COMP: variants seen among roughly 807,000 people sequenced by gnomAD.
COMP encodes the protein cartilage oligomeric matrix protein (pseudoachondroplasia, epiphyseal dysplasia 1, multiple).
In COMP, 79 loss-of-function variants were observed where a neutral mutation model predicts 95.8. The observed-to-expected ratio is 0.82, with a 90% CI of 0.69 to 0.99. COMP has a LOEUF of 0.99. Among genes scored for constraint, COMP ranks in the 50% least tolerant of loss-of-function variants. COMP has a pLI of 0.00. For missense variants in COMP, 906 were observed against 1,076.1 expected, an observed-to-expected ratio of 0.84 and a Z score of 2.21; for synonymous variants, 438 against 433.9, an observed-to-expected ratio of 1.01 and a Z score of -0.12.
In COMP at chr19:18,788,284, C is replaced by A. The variant is rs1483719147; in HGVS notation, c.903G>T (p.Glu301Asp). ...CTCCGATGCCATCGCGGTCCACATC[C>A]TCCTGCCCTGAGTTGGGCACAGTCA... ...NCVTVPNSGQ[E>D]DVDRDGIGDA... Residue 301 changes from glutamate (E) to aspartate (D), a missense_variant, in exon 9 of 19, where the codon GAG (glutamate) becomes GAT (aspartate). Physicochemically the swap from Glu to Asp is conservative, Grantham distance 45 (BLOSUM62 2). Coordinates refer to ENST00000222271, the MANE Select transcript of COMP (RefSeq NM_000095.3). This position sits in a 1 kb window ranked among gnomAD's most constrained non-coding sequence, Gnocchi z 4.7. 1 of 1,613,114 alleles carries A rather than the reference C, an allele frequency of 6.2e-7. No homozygotes were observed. The highest frequency in any genetic ancestry group is 1.7e-5 in the Admixed American group (1 of 60,024).
Position 18,788,630 on chromosome 19 carries a change from C to T in COMP, c.724G>A (p.Asp242Asn), listed in dbSNP as rs1568556306. Residue 242 changes from aspartate to asparagine, a missense_variant, in exon 7 of 19, where the codon GAC becomes AAC. Physicochemically the swap from Asp to Asn is conservative, Grantham distance 23. Coordinates refer to ENST00000222271, the MANE Select transcript of COMP (RefSeq NM_000095.3). This position sits in a 1 kb window ranked among gnomAD's most constrained non-coding sequence, Gnocchi z 4.7. ...GAGCCATCGCGCTCTAGGACGCAGT[C>T]TGCATGCTCGTGGCACTCGCTGGGC... ...GSPSECHEHADCVLERDGSRS... is the reference protein window; with the variant it reads ...GSPSECHEHANCVLERDGSRS... The T allele has an allele frequency of 6.5e-7, 1 of 1,548,456 alleles. No individual in the cohort carries two copies. Among genetic ancestry groups the T allele is most frequent in the East Asian group, 2.4e-5 (1 of 40,918 alleles).
chr19:18,788,245 C>T lies in COMP; in HGVS notation c.942G>A (p.Pro314=), dbSNP rs766211150. ...TGGGGACCCCGTCCCCGTCGGCATC[C>T]GGATCGCAGGCGTCTCCGATGCCAT... The part of the protein sequence containing the change: ...DRDGIGDACD[P]DADGDGVPNE... The change falls in exon 9 of 19, where the codon CCG becomes CCA. Residue 314 remains proline (P), a synonymous_variant. Transcript: ENST00000222271. This position sits in a 1 kb window ranked among gnomAD's most constrained non-coding sequence, Gnocchi z 4.7. The T allele has an allele frequency of 3.1e-6, 5 of 1,613,276 alleles. No individual in the cohort carries two copies. In the South Asian group the frequency reaches 3.3e-5, roughly 11 times the overall value.
chr19:18,790,866 T>C lies in COMP; in HGVS notation c.149A>G (p.Glu50Gly), dbSNP rs2055208186. Residue 50 changes from glutamate (E) to glycine (G), a missense_variant, in exon 2 of 19, where the codon GAG (glutamate) becomes GGG (glycine). By Grantham distance (98) the Glu-to-Gly change is moderately conservative. Transcript: ENST00000222271. The part of the protein sequence containing the change: ...ETNAALQDVR[E>G]LLRQQVREIT... ...GCCCCGCACCTGCTGCCGCAGCAGC[T>C]CCCGCACGTCCTGCAGCGCCGCGTT... 6.4e-7 allele frequency: 1 copy of C among 1,566,384 alleles called. No homozygotes were observed. The highest frequency in any genetic ancestry group is 8.6e-7 in the Non-Finnish European group (1 of 1,157,702).
In COMP at chr19:18,790,085, G is replaced by C; in HGVS notation, c.247C>G (p.Pro83Ala). The change falls in exon 4 of 19, where the codon CCC becomes GCC. Residue 83 changes from proline (P) to alanine (A), a missense_variant. Physicochemically the swap from Pro to Ala is conservative, Grantham distance 27. Coordinates refer to ENST00000222271, the MANE Select transcript of COMP (RefSeq NM_000095.3). Reference sequence around the variant, plus strand: ...CAGTGGAGCAGGGGCCGCACGCTGGGTAGGCCGGTGCGTACTGACTGCTGC... The same window carrying C: ...CAGTGGAGCAGGGGCCGCACGCTGGCTAGGCCGGTGCGTACTGACTGCTGC... ...GMQQSVRTGL[P>A]SVRPLLHCAP... is the part of the protein sequence containing the mutation. The C allele has an allele frequency of 5.2e-6, 8 of 1,542,252 alleles. No homozygotes were observed. Among genetic ancestry groups the C allele is most frequent in the Non-Finnish European group, 7.0e-6 (8 of 1,147,712 alleles).
In COMP at chr19:18,791,276, G is replaced by A. The variant is rs951125575; in HGVS notation, c.-7C>T. The A allele has an allele frequency of 1.3e-6, 2 of 1,589,934 alleles. No individual in the cohort carries two copies. Among genetic ancestry groups the A allele is most frequent in the Non-Finnish European group, 1.7e-6 (2 of 1,170,532 alleles). On this transcript the variant is annotated 5_prime_UTR_variant, in exon 1 of 19. Transcript: ENST00000222271. ...AGGCGGTGTCGGGGACCATGGCGGT[G>A]GCGGGGAGCTGGGTGGCTGCTCGCT...
In COMP at chr19:18,789,600, G is replaced by T. The variant is rs2055195867; in HGVS notation, c.391-303C>A. 1.3e-5 allele frequency among the ~76,000 whole-genome samples: 2 copies of T among 151,904 alleles called. No homozygotes were observed. Among genetic ancestry groups the T allele is most frequent in the African/African-American group, 4.8e-5 (2 of 41,332 alleles). ...CGTGCCCGGCGGTGGCGGGGGGTCT[G>T]GGCGTGCGTTCCCTGGCTGTGGAAG... On this transcript the variant is annotated intron_variant, in intron 4 of 18. Transcript: ENST00000222271. This position sits in a 1 kb window ranked among gnomAD's most constrained non-coding sequence, Gnocchi z 6.1.
chr19:18,784,397 C>G lies in COMP; in HGVS notation c.1915-34G>C. 1 of 1,612,990 alleles carries G rather than the reference C, an allele frequency of 6.2e-7. No homozygotes were observed. Among genetic ancestry groups the G allele is most frequent in the Non-Finnish European group, 8.5e-7 (1 of 1,179,702 alleles). The stretch of plus-strand genomic sequence containing the variant: ...ACCCAGGAAAGGTGGTCAGAGACCT[C>G]GTGGGCCACCGGAGCCCCCCTAGAC... On this transcript the variant is annotated intron_variant, in intron 16 of 18. Coordinates refer to ENST00000222271, the MANE Select transcript of COMP (RefSeq NM_000095.3). This position sits in a 1 kb window ranked among gnomAD's most constrained non-coding sequence, Gnocchi z 4.9.
Position 18,788,891 on chromosome 19 carries a change from C to G in COMP, c.551G>C (p.Cys184Ser). 1 of 1,613,930 alleles carries G rather than the reference C, an allele frequency of 6.2e-7. No individual in the cohort carries two copies. Among genetic ancestry groups the G allele is most frequent in the South Asian group, 1.1e-5 (1 of 91,050 alleles). ...NKQVCTDINE[C>S]ETGQHNCVPN... ...GACGCAGTTATGTTGCCCGGTCTCA[C>G]ACTCGTTGATGTCCGTGCAAACCTA... Residue 184 changes from cysteine (C) to serine (S), a missense_variant, in exon 6 of 19, where the codon TGT (cysteine) becomes TCT (serine). Cys to Ser is a moderately radical substitution (Grantham distance 112). Transcript: ENST00000222271. The surrounding 1 kb of genome is among the most constrained non-coding windows in gnomAD (Gnocchi z 4.7).
intron 10 of COMP, 51 bp from the exon 11 acceptor site, chr19:18,786,701 G>T: frequency 1.5e-6 from 2 of 1,337,036 alleles, no homozygotes; most frequent in South Asian, 2.3e-5. Context: ...AGGCCAGAAT[G>T]ACTTCATTAG....
Position 18,786,002 on chromosome 19 carries a change from G to T in COMP, c.1452C>A (p.Cys484Ter), listed in dbSNP as rs2055164224. 1 of 1,613,346 alleles carries T rather than the reference G, an allele frequency of 6.2e-7. No homozygotes were observed. Among genetic ancestry groups the T allele is most frequent in the Non-Finnish European group, 8.5e-7 (1 of 1,179,986 alleles). ...CCTGGCCGGGGTTAGGCACCAGGCG[G>T]CAGTTGTCCCGACTGTCAGGGACTC... The part of the protein sequence containing the change: ...NDGVPDSRDN[C>*]RLVPNPGQED... Residue 484 changes from cysteine to a stop codon, truncating the protein, a stop_gained, in exon 13 of 19, where the codon TGC becomes TGA. Transcript: ENST00000222271. LOFTEE classifies it high-confidence loss of function.
Position 18,784,111 on chromosome 19 carries a change from C to T in COMP, c.2087+80G>A, listed in dbSNP as rs2055147059. On this transcript the variant is annotated intron_variant, in intron 17 of 18. Coordinates refer to ENST00000222271, the MANE Select transcript of COMP (RefSeq NM_000095.3). The surrounding 1 kb of genome is among the most constrained non-coding windows in gnomAD (Gnocchi z 4.9). ...TACAGATGAGGGGACCAGGGTCACA[C>T]AGCCCCTGCCTGGCCAGGGCACTCC... The T allele has an allele frequency of 6.7e-7, 1 of 1,489,108 alleles. No individual in the cohort carries two copies. Among genetic ancestry groups the T allele is most frequent in the South Asian group, 1.1e-5 (1 of 88,436 alleles). 92.2% of individuals were successfully genotyped at this position (1,489,108 alleles called of 1,614,324 possible).
At position 18,788,720 on chromosome 19, in the gene COMP, C is replaced by T. The variant is rs774138872; in HGVS notation, c.634G>A (p.Gly212Ser). ...GSFQCGPCQP[G>S]FVGDQASGCQ... ...CCGGACGCCTGGTCGCCCACGAAGCCGGGCTGGCACGGGCCGCACTGGAAG... is the reference window on the plus strand; with the variant it reads ...CCGGACGCCTGGTCGCCCACGAAGCTGGGCTGGCACGGGCCGCACTGGAAG... The change falls in exon 7 of 19, where the codon GGC becomes AGC. Residue 212 changes from glycine to serine, a missense_variant. Transcript: ENST00000222271. This position sits in a 1 kb window ranked among gnomAD's most constrained non-coding sequence, Gnocchi z 4.7. 4 of 1,544,380 alleles carry T rather than the reference C, an allele frequency of 2.6e-6. No homozygotes were observed. Among genetic ancestry groups the T allele is most frequent in the Non-Finnish European group, 3.5e-6 (4 of 1,145,802 alleles).
rs751329471 is a variant in COMP at position 18,789,193 on chromosome 19, G to A, written c.495C>T (p.Gly165=). ...PPGYSGPTHQ[G]VGLAFAKANK... ...TGGCCTTGGCGAAAGCCAGCCCCAC[G>A]CCCTGGTGGGTGGGGCCGCTGTACC... The change falls in exon 5 of 19, where the codon GGC becomes GGT. Residue 165 remains glycine, a synonymous_variant. Transcript: ENST00000222271. This position sits in a 1 kb window ranked among gnomAD's most constrained non-coding sequence, Gnocchi z 6.1. The A allele has an allele frequency of 3.2e-6, 5 of 1,566,626 alleles. No homozygotes were observed. The highest frequency in any genetic ancestry group is 4.0e-5 in the Admixed American group (2 of 49,400).
In COMP at chr19:18,786,846, C is replaced by T. The variant is rs1360706609; in HGVS notation, c.1136-196G>A. The T allele has an allele frequency of 6.1e-6, 3 of 493,758 alleles. No individual in the cohort carries two copies. In the East Asian group the frequency reaches 1.2e-4, roughly 19 times the overall value. 30.6% of individuals were successfully genotyped at this position (493,758 alleles called of 1,614,324 possible). ...GGAGTGCAGTGGCATGATCTCGGCT[C>T]ACTGCAACTTCCACCTCCCGGGTTC... On this transcript the variant is annotated intron_variant, in intron 10 of 18. Transcript: ENST00000222271.
At position 18,789,033 on chromosome 19, in the gene COMP, T is replaced by A. The variant is rs2145903944; in HGVS notation, c.529-120A>T. On this transcript the variant is annotated intron_variant, in intron 5 of 18. Transcript: ENST00000222271. The surrounding 1 kb of genome is among the most constrained non-coding windows in gnomAD (Gnocchi z 6.1). ...CATCCTGCCCCAAACCGATCAGCCC[T>A]GGCGCAGCGGACCCCTCCTCTCCCC... The A allele has an allele frequency of 1.3e-6, 2 of 1,540,954 alleles. No homozygotes were observed. The highest frequency in any genetic ancestry group is 1.8e-6 in the Non-Finnish European group (2 of 1,133,574).
chr19:18,787,915 T>TTTCTTTCTTTCC (rs879447656), intron 9 of COMP, among the ~76,000 whole-genome samples: 2 of 149,574 alleles, frequency 1.3e-5, no homozygotes, highest in Non-Finnish European at 3.0e-5. Flanking sequence ...TCTTTCTTTC[T>TTTCTTTCTTTCC]TTTTTTTGAG....
Position 18,788,178 on chromosome 19 carries a change from A to G in COMP, c.975+34T>C. 1.3e-6 allele frequency: 2 copies of G among 1,562,858 alleles called. No individual in the cohort carries two copies. The highest frequency in any genetic ancestry group is 1.8e-6 in the Non-Finnish European group (2 of 1,135,668). On this transcript the variant is annotated intron_variant, in intron 9 of 18. Coordinates refer to ENST00000222271, the MANE Select transcript of COMP (RefSeq NM_000095.3). The surrounding 1 kb of genome is among the most constrained non-coding windows in gnomAD (Gnocchi z 4.7). The stretch of plus-strand genomic sequence containing the variant: ...CGGCCTCCCAAAGTGCTGGGATTAC[A>G]GGAGTGAACCACCGTGCCGAGCCGT...
intron 3 of COMP, among the ~76,000 whole-genome samples, 174 bp downstream of exon 3, chr19:18,790,388 T>A (rs1054717381): frequency 3.9e-5 from 6 of 152,032 alleles, no homozygotes; most frequent in African/African-American, 1.4e-4. Context: ...CTTCTGTCTC[T>A]TTTTGTCTCT....
At position 18,789,378 on chromosome 19, in the gene COMP, G is replaced by C; in HGVS notation, c.391-81C>G. The C allele has an allele frequency of 7.4e-7, 1 of 1,352,400 alleles. No homozygotes were observed. The highest frequency in any genetic ancestry group is 9.8e-7 in the Non-Finnish European group (1 of 1,024,166). 83.8% of individuals were successfully genotyped at this position (1,352,400 alleles called of 1,614,324 possible). A position where few individuals can be genotyped will look rare whatever the true frequency, so the allele number is the denominator to read the frequency against. ...CGCACCTCGTAGTGTCTCGGATGTG[G>C]AAAGTTCAAGGGCCATATGCCAGTG... On this transcript the variant is annotated intron_variant, in intron 4 of 18. Coordinates refer to ENST00000222271, the MANE Select transcript of COMP (RefSeq NM_000095.3). The surrounding 1 kb of genome is among the most constrained non-coding windows in gnomAD (Gnocchi z 6.1).
Sources: gnomAD v4.1 joint callset for allele counts (sites outside exome capture counted in the v4.1 genomes callset) on GRCh38, gnomAD v4.1.1 for gene constraint, Gnocchi (gnomAD v3.1) non-coding constraint, MANE v1.5 for transcripts, NCBI Gene and HGNC (gene_info 2026-07-23, HGNC 2026-07-21) for gene names.